The following PLXNA2 variants were observed in gnomAD, a reference collection of about 807,000 sequenced individuals.
The protein encoded by PLXNA2 is plexin A2.
PLXNA2 carries 91 observed loss-of-function variants against 193.5 expected under a neutral mutation model. The ratio of observed to expected loss-of-function variants is 0.47; its 90% CI spans 0.40 to 0.56. The LOEUF (loss-of-function observed/expected upper bound fraction) is 0.56. Ranked by LOEUF, PLXNA2 falls within the 20% of genes least tolerant of loss-of-function variation. The pLI is 0.00. For synonymous variants in PLXNA2, 997 were observed against 1,027.3 expected (o/e 0.97, Z 0.56); for missense variants, 1,995 against 2,503.2 (o/e 0.80, Z 4.33).
intron 3 of PLXNA2, among the ~76,000 whole-genome samples, chr1:208,163,945 G>A (rs1271779606): frequency 6.6e-6 from 1 of 152,140 alleles, no homozygotes; most frequent in Non-Finnish European, 1.5e-5. Context: ...CATGTGGGGG[G>A]CTTCTCATCA....
Position 208,142,350 on chromosome 1 carries a change from C to A in PLXNA2, c.1485G>T (p.Leu495=). ...DMAFSIDQRY[L]YVMSERQVTR... Reference sequence around the variant, plus strand: ...TTACCTGTCTCTCAGACATGACGTACAGGTAGCGCTGATCAATGGAGAAGG... The same window carrying A: ...TTACCTGTCTCTCAGACATGACGTAAAGGTAGCGCTGATCAATGGAGAAGG... Residue 495 remains leucine (L), a synonymous_variant, in exon 4 of 32, where the codon CTG becomes CTT. Coordinates refer to ENST00000367033, the MANE Select transcript of PLXNA2 (RefSeq NM_025179.4). The A allele has an allele frequency of 6.2e-7, 1 of 1,606,766 alleles. No homozygotes were observed. The highest frequency in any genetic ancestry group is 8.5e-7 in the Non-Finnish European group (1 of 1,177,586).
At chr1:208,143,983 C>A (rs1037679596) in intron 3 of PLXNA2, among the ~76,000 whole-genome samples, 1 of 152,204 alleles carries the variant, frequency 6.6e-6, no homozygotes, top group Non-Finnish European at 1.5e-5. Context: ...GTTGAAAGAG[C>A]GTGAACTGTG....
chr1:208,102,697 T>A (rs1164738265), intron 5 of PLXNA2, among the ~76,000 whole-genome samples: 3 of 152,250 alleles, frequency 2.0e-5, no homozygotes, highest in African/African-American at 7.2e-5. Flanking sequence ...AACAGAGGCC[T>A]GGAGTTGTCA....
chr1:208,080,339 T>G (rs1466637489), intron 11 of PLXNA2, among the ~76,000 whole-genome samples: 2 of 152,218 alleles, frequency 1.3e-5, no homozygotes, highest in Non-Finnish European at 1.5e-5. Flanking sequence ...TTTTGTCTCC[T>G]GCTGACTTAA....
intron 22 of PLXNA2, among the ~76,000 whole-genome samples, chr1:208,041,582 TGCAATGTG>T (rs890080631): frequency 6.6e-6 from 1 of 152,210 alleles, no homozygotes; most frequent in Non-Finnish European, 1.5e-5. Context: ...GGCCACTAGC[TGCAATGTG>T]GCAACCAAGC....
Position 208,211,692 on chromosome 1 carries a change from C to CA in PLXNA2, c.1189-1231dup, listed in dbSNP as rs10561845. Among the ~76,000 whole-genome samples, 761 of 116,246 alleles carry CA rather than the reference C, an allele frequency of 6.5e-3. 8 individuals are homozygous for CA. Among genetic ancestry groups the CA allele is most frequent in the African/African-American group, 0.021 (615 of 28,984 alleles). The allele number at this position is 116,246 out of a possible 152,430, so 76.3% of individuals were successfully genotyped here. On this transcript the variant is annotated intron_variant, in intron 2 of 31. Transcript: ENST00000367033. ...TGGGCGGCAGAACGAGACTCCGTCT[C>CA]AAAAAAAAAAAAAAAAAAATTGCTG... is the stretch of plus-strand genomic sequence containing the variant.
chr1:208,234,505 T>TG (rs1298350465), intron 1 of PLXNA2, among the ~76,000 whole-genome samples: 1 of 152,198 alleles, frequency 6.6e-6, no homozygotes, highest in African/African-American at 2.4e-5. Context: ...TTGTGTTGCT[T>TG]GGGGAGCTTC....
intron 15 of PLXNA2, among the ~76,000 whole-genome samples, chr1:208,051,931 A>C (rs577950849): frequency 6.6e-6 from 1 of 152,274 alleles, no homozygotes; most frequent in South Asian, 2.1e-4. Context: ...GTAGGTGTTC[A>C]ATTTTTTATG....
At chr1:208,053,488 G>T (rs997995727) in intron 14 of PLXNA2, among the ~76,000 whole-genome samples, 2 of 152,206 alleles carry the variant, frequency 1.3e-5, no homozygotes, top group Non-Finnish European at 2.9e-5. Flanking sequence ...AGAGAGGAGA[G>T]TATAAGAAAA....
At chr1:208,144,659 C>T (rs927598061) in intron 3 of PLXNA2, among the ~76,000 whole-genome samples, 6 of 152,108 alleles carry the variant, frequency 3.9e-5, no homozygotes, top group African/African-American at 1.4e-4. Flanking sequence ...AAGGAGGTAA[C>T]CTCAATGGAA....
At position 208,186,712 on chromosome 1, in the gene PLXNA2, T is replaced by TGTTTTTTGTTTTTTGTTTTTTG. The variant is rs1558234629; in HGVS notation, c.1371+23567_1371+23568insCAAAAAACAAAAAACAAAAAAC. On this transcript the variant is annotated intron_variant, in intron 3 of 31. Coordinates refer to ENST00000367033, the MANE Select transcript of PLXNA2 (RefSeq NM_025179.4). ...TGTCCTGGGAATTGCAATGTTATTT[T>TGTTTTTTGTTTTTTGTTTTTTG]ATTTTTTTTTTTTTTTTTGAGACGG... 3.6e-4 allele frequency among the ~76,000 whole-genome samples: 36 copies of TGTTTTTTGTTTTTTGTTTTTTG among 98,826 alleles called. 1 individual carries two copies. The highest frequency in any genetic ancestry group is 1.4e-3 in the African/African-American group (35 of 24,338). The allele number at this position is 98,826 out of a possible 152,430, so 64.8% of individuals were successfully genotyped here.
At chr1:208,109,113 G>A (rs959960364) in intron 4 of PLXNA2, among the ~76,000 whole-genome samples, 5 of 152,230 alleles carry the variant, frequency 3.3e-5, no homozygotes, top group Non-Finnish European at 7.3e-5. Flanking sequence ...AGAAACAGAG[G>A]CCTTCTCAGT....
At chr1:208,138,410 C>A (rs1668365057) in intron 4 of PLXNA2, among the ~76,000 whole-genome samples, 1 of 152,204 alleles carries the variant, frequency 6.6e-6, no homozygotes, top group South Asian at 2.1e-4. Context: ...GTGTATTAAA[C>A]ATGTATTTGA....
chr1:208,239,265 T>TC (rs1198452627), intron 1 of PLXNA2, among the ~76,000 whole-genome samples: 2 of 151,874 alleles, frequency 1.3e-5, no homozygotes, highest in African/African-American at 4.8e-5. Flanking sequence ...GCCCAGAGCC[T>TC]CCCTGGCCAG....
intron 14 of PLXNA2, among the ~76,000 whole-genome samples, chr1:208,052,698 T>C (rs1350596089): frequency 6.6e-6 from 1 of 151,926 alleles, no homozygotes; most frequent in Non-Finnish European, 1.5e-5. Context: ...ATTAATTAAC[T>C]CCCCAGAGTC....
chr1:208,110,669 G>A (rs560841722), intron 4 of PLXNA2, among the ~76,000 whole-genome samples: 3 of 152,304 alleles, frequency 2.0e-5, no homozygotes, highest in South Asian at 2.1e-4. Flanking sequence ...GTCAGCTTAA[G>A]TAACGCAGGT....
At chr1:208,072,345 C>T (rs1237193030) in intron 12 of PLXNA2, among the ~76,000 whole-genome samples, 1 of 152,154 alleles carries the variant, frequency 6.6e-6, no homozygotes, top group African/African-American at 2.4e-5. Flanking sequence ...GTGCAATGTG[C>T]CAGGTGACTT....
chr1:208,155,752 A>T, intron 3 of PLXNA2, among the ~76,000 whole-genome samples: 1 of 147,958 alleles, frequency 6.8e-6, no homozygotes, highest in African/African-American at 2.4e-5. Flanking sequence ...GGCTCATGGG[A>T]TGCTGAGCTC....
In PLXNA2 at chr1:208,038,319, G is replaced by A. The variant is rs181292509; in HGVS notation, c.4764+52C>T. 4.9e-5 allele frequency: 62 copies of A among 1,267,236 alleles called. No homozygotes were observed. The highest frequency in any genetic ancestry group is 3.9e-4 in the East Asian group (17 of 43,266). 78.5% of individuals were successfully genotyped at this position (1,267,236 alleles called of 1,614,324 possible). A position where few individuals can be genotyped will look rare whatever the true frequency, so the allele number is the denominator to read the frequency against. On this transcript the variant is annotated intron_variant, in intron 26 of 31. Transcript: ENST00000367033. This position sits in a 1 kb window ranked among gnomAD's most constrained non-coding sequence, Gnocchi z 4.1. ...TTGAGGCCTTAGAGCAAGGCTTAGCGGGAAGGGAACATTCTGGGAAGCTGA... is the reference window on the plus strand; with the variant it reads ...TTGAGGCCTTAGAGCAAGGCTTAGCAGGAAGGGAACATTCTGGGAAGCTGA...
Sources: gnomAD v4.1 joint callset for allele counts (sites outside exome capture counted in the v4.1 genomes callset) on GRCh38, gnomAD v4.1.1 for gene constraint, Gnocchi (gnomAD v3.1) non-coding constraint, MANE v1.5 for transcripts, NCBI Gene and HGNC (gene_info 2026-07-23, HGNC 2026-07-21) for gene names.